The following JPT2 variants were observed in gnomAD, a reference collection of about 807,000 sequenced individuals.
JPT2 encodes Jupiter microtubule associated homolog 2, also known as CRAMP_1 like.
JPT2 carries 9 observed loss-of-function variants against 15.9 expected under a neutral mutation model. The observed-to-expected ratio is 0.57, with a 90% CI of 0.34 to 0.99. JPT2 has a LOEUF of 0.99. JPT2 is among the 50% of genes least tolerant of loss of function. The pLI is 0.02. For synonymous variants in JPT2, 95 were observed against 91.7 expected, an observed-to-expected ratio of 1.04 and a Z score of -0.21; for missense variants, 267 against 252.1, an observed-to-expected ratio of 1.06 and a Z score of -0.40.
At chr16:1,691,799 C>T (rs753622136) in intron 2 of JPT2, 44 bp from the exon 3 acceptor site, 6 of 1,586,572 alleles carry the variant, frequency 3.8e-6, no homozygotes, top group African/African-American at 1.3e-5. Flanking sequence ...GGGTGGGGTC[C>T]GGTGGACGTC....
At chr16:1,678,430 C>A in intron 1 of JPT2, 74 bp downstream of exon 1, 1 of 1,128,030 alleles carries the variant, frequency 8.9e-7, no homozygotes, top group Non-Finnish European at 1.1e-6. Context: ...CCAGGGCGTC[C>A]ACCAGCCGTG....
chr16:1,685,984 ACT>A (rs2037062174), intron 2 of JPT2: 1 of 176,616 alleles, frequency 5.7e-6, no homozygotes, highest in Admixed American at 5.7e-5. Flanking sequence ...TGGGATTGAA[ACT>A]CTTAACAAGG....
intron 3 of JPT2, among the ~76,000 whole-genome samples, chr16:1,696,705 A>T (rs966221574): frequency 1.3e-5 from 2 of 152,208 alleles, no homozygotes; most frequent in Admixed American, 1.3e-4. Context: ...AGATACAAGC[A>T]GCCAAAAACC....
At chr16:1,694,667 G>A (rs566539687) in intron 3 of JPT2, among the ~76,000 whole-genome samples, 1 of 151,430 alleles carries the variant, frequency 6.6e-6, no homozygotes, top group Non-Finnish European at 1.5e-5. Context: ...GTTGAGAACT[G>A]AGAAATAAAG....
chr16:1,678,991 G>A (rs1319583152), intron 1 of JPT2, among the ~76,000 whole-genome samples: 1 of 152,258 alleles, frequency 6.6e-6, no homozygotes, highest in Non-Finnish European at 1.5e-5. Flanking sequence ...GGTGGATGGC[G>A]CTCCTGGGCT....
chr16:1,686,041 C>CCAA, intron 2 of JPT2: 1 of 156,228 alleles, frequency 6.4e-6, no homozygotes, highest in East Asian at 1.9e-4. Flanking sequence ...CAGTATTTAC[C>CCAA]CAACCTCCTA....
chr16:1,697,728 A>G, intron 3 of JPT2, 84 bp from the exon 4 acceptor site: 1 of 1,300,478 alleles, frequency 7.7e-7, no homozygotes, highest in South Asian at 1.2e-5. Context: ...TTAAAAGGTT[A>G]TATGGTCCTG....
chr16:1,700,324 C>A lies in JPT2; in HGVS notation c.*1326C>A, dbSNP rs544458756. ...TCTTCAGGCAGAAGCCTCTGCCCATCCCCCTCAAGGGCTGCAGGCCCAGTT... is the reference window on the plus strand; with the variant it reads ...TCTTCAGGCAGAAGCCTCTGCCCATACCCCTCAAGGGCTGCAGGCCCAGTT... On this transcript the variant is annotated 3_prime_UTR_variant, in exon 5 of 5. Transcript: ENST00000248098. 5 of 361,250 alleles carry A rather than the reference C, an allele frequency of 1.4e-5. No homozygotes were observed. The East Asian group carries it at 3.0e-4, about 21-fold the overall frequency. The allele number at this position is 361,250 out of a possible 1,614,324, so 22.4% of individuals were successfully genotyped here. A position where few individuals can be genotyped will look rare whatever the true frequency, so the allele number is the denominator to read the frequency against.
At chr16:1,683,448 TA>T in intron 1 of JPT2, 2 of 1,141,946 alleles carry the variant, frequency 1.8e-6, no homozygotes, top group Non-Finnish European at 2.5e-6. Context: ...TGGTTATTTT[TA>T]AAAAATAATT....
intron 2 of JPT2, chr16:1,688,433 T>A (rs1021773021): frequency 6.6e-6 from 1 of 152,220 alleles, no homozygotes; most frequent in African/African-American, 2.4e-5. Context: ...TTTCTCAAAA[T>A]GGAATTGGTA....
intron 1 of JPT2, among the ~76,000 whole-genome samples, chr16:1,682,318 G>A (rs1477129304): frequency 2.0e-5 from 3 of 151,654 alleles, no homozygotes; most frequent in Non-Finnish European, 4.4e-5. Context: ...TGGAGGTTGC[G>A]GTGAGCTGAG....
intron 3 of JPT2, among the ~76,000 whole-genome samples, chr16:1,695,405 CA>C (rs35052397): frequency 0.13 from 15,382 of 121,180 alleles, 994 homozygotes; most frequent in African/African-American, 0.22. Context: ...AACTCCGTCC[CA>C]AAAAAAAAAA....
downstream of JPT2, among the ~76,000 whole-genome samples, chr16:1,702,597 G>A (rs906080327): frequency 1.3e-5 from 2 of 152,226 alleles, no homozygotes; most frequent in Admixed American, 6.5e-5. Context: ...TCTTTGTGGT[G>A]TACCTGGTAG....
intron 1 of JPT2, chr16:1,683,687 A>G: frequency 3.5e-6 from 3 of 866,056 alleles, no homozygotes; most frequent in Non-Finnish European, 3.6e-6. Flanking sequence ...CCTGCTTTAT[A>G]GCAGGAGATC....
chr16:1,678,302 C>T lies in JPT2; in HGVS notation c.-11C>T, dbSNP rs760966448. The T allele has an allele frequency of 1.1e-5, 14 of 1,237,060 alleles. No homozygotes were observed. The highest frequency in any genetic ancestry group is 6.4e-5 in the East Asian group (2 of 31,480). 76.6% of individuals were successfully genotyped at this position (1,237,060 alleles called of 1,614,324 possible). A position where few individuals can be genotyped will look rare whatever the true frequency, so the allele number is the denominator to read the frequency against. Reference sequence around the variant, plus strand: ...ACGGCGCGCGGCGAGCTGAGGGTGGCGGCGGTCGACATGTTCCAGGTCCCG... The same window carrying T: ...ACGGCGCGCGGCGAGCTGAGGGTGGTGGCGGTCGACATGTTCCAGGTCCCG... On this transcript the variant is annotated 5_prime_UTR_variant, in exon 1 of 5. Transcript: ENST00000248098.
intron 2 of JPT2, chr16:1,686,400 A>G (rs573409244): frequency 4.6e-4 from 71 of 153,280 alleles, no homozygotes; most frequent in Non-Finnish European, 8.2e-4. Context: ...GAAAAAGAAA[A>G]AGGTTTCTCA....
At position 1,699,541 on chromosome 16, in the gene JPT2, G is replaced by A. The variant is rs1273792121; in HGVS notation, c.*543G>A. On this transcript the variant is annotated 3_prime_UTR_variant, in exon 5 of 5. Coordinates refer to ENST00000248098, the MANE Select transcript of JPT2 (RefSeq NM_144570.3). ...TGAAACATCTTGATTGCTTTTCCTCGGCAGCTTTCAAAAAACCAAATAATA... is the reference window on the plus strand; with the variant it reads ...TGAAACATCTTGATTGCTTTTCCTCAGCAGCTTTCAAAAAACCAAATAATA... 13 of 319,296 alleles carry A rather than the reference G, an allele frequency of 4.1e-5. No individual in the cohort carries two copies. The highest frequency in any genetic ancestry group is 8.6e-5 in the African/African-American group (4 of 46,260). The allele number at this position is 319,296 out of a possible 1,614,324, so 19.8% of individuals were successfully genotyped here.
intron 1 of JPT2, 30 bp from the exon 2 acceptor site, chr16:1,685,409 C>T (rs757029446): frequency 2.0e-5 from 32 of 1,607,792 alleles, no homozygotes; most frequent in Non-Finnish European, 2.7e-5. Flanking sequence ...GGTCTGCCAT[C>T]AGTAATTGGC....
chr16:1,680,475 A>G (rs2037013925), intron 1 of JPT2: 3 of 1,246,098 alleles, frequency 2.4e-6, no homozygotes, highest in Non-Finnish European at 3.1e-6. Flanking sequence ...GAGGAAGGAA[A>G]GCCGGTCTGA....
Sources: gnomAD v4.1 joint callset for allele counts (sites outside exome capture counted in the v4.1 genomes callset) on GRCh38, gnomAD v4.1.1 for gene constraint, MANE v1.5 for transcripts, NCBI Gene and HGNC (gene_info 2026-07-23, HGNC 2026-07-21) for gene names.